CACNA2D4: variants seen among roughly 807,000 people sequenced by gnomAD.
The protein encoded by CACNA2D4 is calcium voltage-gated channel auxiliary subunit alpha2delta 4, also known as voltage-dependent calcium channel subunit alpha-2/delta-4.
In CACNA2D4, 157 loss-of-function variants were observed where a neutral mutation model predicts 163.8. The observed-to-expected ratio is 0.96, with a 90% CI of 0.84 to 1.09. CACNA2D4 has a LOEUF of 1.09. CACNA2D4 is among the 50% of genes least tolerant of loss of function. CACNA2D4 has a pLI of 0.00. For missense variants in CACNA2D4, 1,410 were observed against 1,479.9 expected (o/e 0.95, Z 0.78); for synonymous variants, 598 against 586.9 (o/e 1.02, Z -0.27).
rs773946764 is a variant in CACNA2D4 at position 1,844,532 on chromosome 12, G to A, written c.2343-3C>T. 1 of 1,612,058 alleles carries A rather than the reference G, an allele frequency of 6.2e-7. No homozygotes were observed. Among genetic ancestry groups the A allele is most frequent in the East Asian group, 2.2e-5 (1 of 44,842 alleles). On this transcript the variant is annotated splice_region_variant and splice_polypyrimidine_tract_variant and intron_variant, in intron 24 of 37. Transcript: ENST00000382722. This position sits in a 1 kb window ranked among gnomAD's most constrained non-coding sequence, Gnocchi z 4.2. ...CGTCCTCAGGTGTCAGGAACTTCCT[G>A]CAAGGAGGAAGATGTGGTACCTCTC...
chr12:1,832,215 T>A (rs1592693586), intron 26 of CACNA2D4, among the ~76,000 whole-genome samples: 1 of 152,208 alleles, frequency 6.6e-6, no homozygotes, highest in East Asian at 1.9e-4. Flanking sequence ...CAGGTCTGCG[T>A]CTGAATTTCG....
chr12:1,918,352 G>T lies in CACNA2D4; in HGVS notation c.122C>A (p.Pro41His), dbSNP rs1867047481. ...SSRWIPLQPM[P>H]VAWAFVQKTS... ...CTTCTGCACAAAGGCCCAGGCCACG[G>T]GCATTGGCTGGAGGGGAATCCAGCG... Residue 41 changes from proline to histidine, a missense_variant, in exon 1 of 38, where the codon CCC becomes CAC. Pro to His is a moderately conservative substitution (Grantham distance 77). Coordinates refer to ENST00000382722, the MANE Select transcript of CACNA2D4 (RefSeq NM_172364.5). The T allele has an allele frequency of 1.2e-6, 2 of 1,607,512 alleles. No homozygotes were observed. The highest frequency in any genetic ancestry group is 2.7e-5 in the African/African-American group (2 of 74,840).
At chr12:1,846,501 G>T in intron 24 of CACNA2D4, 93 bp downstream of exon 24, 2 of 1,014,710 alleles carry the variant, frequency 2.0e-6, no homozygotes, top group Non-Finnish European at 2.9e-6. Context: ...GAGACCCGGT[G>T]CCAGTCCACC....
At chr12:1,880,693 C>G (rs982817157) in intron 13 of CACNA2D4, among the ~76,000 whole-genome samples, 1 of 152,274 alleles carries the variant, frequency 6.6e-6, no homozygotes, top group Non-Finnish European at 1.5e-5. Context: ...GAGAAGGAAG[C>G]ACATTTTGGC....
At chr12:1,902,103 GA>G (rs1167418067) in intron 6 of CACNA2D4, among the ~76,000 whole-genome samples, 1 of 151,870 alleles carries the variant, frequency 6.6e-6, no homozygotes, top group African/African-American at 2.4e-5. Context: ...CAGAAAGAAG[GA>G]AAAAAACTGT....
rs767112180 is a variant in CACNA2D4 at position 1,918,391 on chromosome 12, G to A, written c.83C>T (p.Pro28Leu). ...MPATPNFLAN[P>L]SSSSRWIPLQ... ...GGGAATCCAGCGGCTGCTGGAGCTG[G>A]GGTTTGCGAGGAAGTTGGGAGTTGC... Residue 28 changes from proline (P) to leucine (L), a missense_variant, in exon 1 of 38, where the codon CCC (proline) becomes CTC (leucine). Pro to Leu is a moderately conservative substitution (Grantham distance 98, BLOSUM62 -3). Transcript: ENST00000382722. 1.2e-6 allele frequency: 2 copies of A among 1,600,564 alleles called. No homozygotes were observed. The highest frequency in any genetic ancestry group is 2.3e-5 in the South Asian group (2 of 88,782).
intron 1 of CACNA2D4, 119 bp from the exon 2 acceptor site, chr12:1,915,054 C>G: frequency 1.3e-6 from 1 of 759,644 alleles, no homozygotes; most frequent in Non-Finnish European, 2.4e-6. Context: ...CAGACACCTG[C>G]TGATGCATGC....
chr12:1,859,120 AC>A (rs1565714722), intron 19 of CACNA2D4, among the ~76,000 whole-genome samples: 1 of 151,982 alleles, frequency 6.6e-6, no homozygotes, highest in Admixed American at 6.6e-5. Flanking sequence ...CATGGGCTCT[AC>A]CCCCAGAAAT....
intron 37 of CACNA2D4, 22 bp from the exon 38 acceptor site, chr12:1,793,781 G>T: frequency 6.2e-7 from 1 of 1,600,224 alleles, no homozygotes; most frequent in Non-Finnish European, 8.6e-7. Context: ...GAGCAGAGGT[G>T]ACAGCGCGGC....
At chr12:1,880,235 A>T (rs1034968799) in intron 13 of CACNA2D4, among the ~76,000 whole-genome samples, 1 of 152,144 alleles carries the variant, frequency 6.6e-6, no homozygotes, top group Non-Finnish European at 1.5e-5. Context: ...GCGCCTGCCC[A>T]GAAACAGAGA....
At position 1,834,905 on chromosome 12, in the gene CACNA2D4, G is replaced by A. The variant is rs371565323; in HGVS notation, c.2551+5834C>T. ...CTTTCGAGGCTCCCTGAAAGCCACCGTGCTGGGGGCTCCTGCTGATGCTCC... is the reference window on the plus strand; with the variant it reads ...CTTTCGAGGCTCCCTGAAAGCCACCATGCTGGGGGCTCCTGCTGATGCTCC... On this transcript the variant is annotated intron_variant, in intron 26 of 37. Coordinates refer to ENST00000382722, the MANE Select transcript of CACNA2D4 (RefSeq NM_172364.5). This position sits in a 1 kb window ranked among gnomAD's most constrained non-coding sequence, Gnocchi z 7.6. 1.8e-4 allele frequency: 206 copies of A among 1,152,256 alleles called. 1 individual carries two copies. In the East Asian group the frequency reaches 3.6e-3, roughly 20 times the overall value. 71.4% of individuals were successfully genotyped at this position (1,152,256 alleles called of 1,614,324 possible).
rs80092457 is a variant in CACNA2D4, at chr12:1,793,763, C to A, written c.3310-4G>T. ...CGCCGCAGTCCTGGGCATTCTCCTG[C>A]GAACGCAGAGCAGAGGTGACAGCGC... On this transcript the variant is annotated splice_region_variant and splice_polypyrimidine_tract_variant and intron_variant, in intron 37 of 37. Transcript: ENST00000382722. 7 of 1,611,886 alleles carry A rather than the reference C, an allele frequency of 4.3e-6. No homozygotes were observed. Among genetic ancestry groups the A allele is most frequent in the Non-Finnish European group, 5.9e-6 (7 of 1,179,118 alleles).
rs2154445635 is a variant in CACNA2D4 at position 1,806,337 on chromosome 12, A to T, written c.2721+3941T>A. The stretch of plus-strand genomic sequence containing the variant: ...TCTTGTCATCCATAACTCTTATAAG[A>T]ATGAGCCCTGGCCTGGAAGAGAGGC... On this transcript the variant is annotated intron_variant, in intron 29 of 37. Coordinates refer to ENST00000382722, the MANE Select transcript of CACNA2D4 (RefSeq NM_172364.5). This position sits in a 1 kb window ranked among gnomAD's most constrained non-coding sequence, Gnocchi z 4.1. Among the ~76,000 whole-genome samples the T allele has an allele frequency of 6.6e-6, 1 of 151,708 alleles. No homozygotes were observed. Among genetic ancestry groups the T allele is most frequent in the Non-Finnish European group, 1.5e-5 (1 of 68,022 alleles).
intron 18 of CACNA2D4, among the ~76,000 whole-genome samples, chr12:1,871,079 G>A (rs902030640): frequency 6.6e-6 from 1 of 151,842 alleles, no homozygotes; most frequent in Non-Finnish European, 1.5e-5. Flanking sequence ...GTACGCACGT[G>A]TTGCTGGTGT....
intron 6 of CACNA2D4, 68 bp from the exon 7 acceptor site, chr12:1,887,137 G>T: frequency 8.9e-7 from 1 of 1,123,408 alleles, no homozygotes; most frequent in South Asian, 1.3e-5. Flanking sequence ...GGCTGGGTGT[G>T]GACCCCCAAG....
Position 1,815,386 on chromosome 12 carries a change from G to A in CACNA2D4, c.2552-3663C>T, listed in dbSNP as rs536828970. Among the ~76,000 whole-genome samples the A allele has an allele frequency of 7.3e-5, 11 of 150,864 alleles. 2 individuals carry two copies. Among genetic ancestry groups the A allele is most frequent in the Admixed American group, 2.6e-4 (4 of 15,242 alleles). On this transcript the variant is annotated intron_variant, in intron 26 of 37. Transcript: ENST00000382722. Reference sequence around the variant, plus strand: ...TTTACATGGCTGGCTCCTTCCCATCGTCAGGTCTCAGCCCAATATCATCTC... The same window carrying A: ...TTTACATGGCTGGCTCCTTCCCATCATCAGGTCTCAGCCCAATATCATCTC...
At chr12:1,911,021 A>ATTTTTTTTTTTTTT (rs374264665) in intron 3 of CACNA2D4, among the ~76,000 whole-genome samples, 1 of 133,482 alleles carries the variant, frequency 7.5e-6, no homozygotes. Context: ...CCGCAATACA[A>ATTTTTTTTTTTTTT]TTTTTTTTTT....
chr12:1,910,111 C>T (rs1397823318), intron 3 of CACNA2D4, 146 bp from the exon 4 acceptor site: 1 of 716,166 alleles, frequency 1.4e-6, no homozygotes, highest in East Asian at 2.7e-5. Context: ...CAAACAAGAA[C>T]TTAGGAACGA....
intron 26 of CACNA2D4, 84 bp downstream of exon 26, chr12:1,840,655 G>T: frequency 8.8e-7 from 1 of 1,138,224 alleles, no homozygotes; most frequent in Non-Finnish European, 1.3e-6. Flanking sequence ...GGCCACATGT[G>T]CAGGGCCTTC....
Sources: allele counts gnomAD v4.1 joint callset (sites outside exome capture counted in the v4.1 genomes callset), GRCh38; gene constraint gnomAD v4.1.1; non-coding constraint Gnocchi (gnomAD v3.1); transcripts MANE v1.5; gene names NCBI Gene and HGNC (gene_info 2026-07-23, HGNC 2026-07-21).